The following SLC5A12 variants were observed in gnomAD, a reference collection of about 807,000 sequenced individuals.
SLC5A12 encodes the protein solute carrier family 5 member 12.
Under a neutral mutation model 72.7 loss-of-function variants are expected in SLC5A12, and 46 were observed. That is an observed-to-expected ratio of 0.63 (90% CI 0.50 to 0.81). The LOEUF (loss-of-function observed/expected upper bound fraction) is 0.81, where lower values mean the gene tolerates loss of function less well. SLC5A12 is among the 30% of genes least tolerant of loss of function. SLC5A12 has a pLI of 0.00. For missense variants in SLC5A12, 683 were observed against 740.7 expected (o/e 0.92, Z 0.90); for synonymous variants, 275 against 264.4 (o/e 1.04, Z -0.39).
At chr11:26,699,480 T>A (rs1486139552) in intron 6 of SLC5A12, among the ~76,000 whole-genome samples, 1 of 152,218 alleles carries the variant, frequency 6.6e-6, no homozygotes, top group Non-Finnish European at 1.5e-5. Context: ...CAGATAATTA[T>A]CCCATTTAGA....
intron 7 of SLC5A12, 81 bp from the exon 8 acceptor site, chr11:26,697,333 G>A: frequency 8.1e-7 from 1 of 1,233,968 alleles, no homozygotes; most frequent in Non-Finnish European, 1.1e-6. Context: ...AAAAAAATAG[G>A]ATTAGTGGTC....
chr11:26,706,891 G>A (rs4582927), intron 4 of SLC5A12, among the ~76,000 whole-genome samples: 112,658 of 150,374 alleles, frequency 0.75, 47,705 homozygotes, highest in Non-Finnish European at 0.94. Context: ...TAAAATAATG[G>A]TTATCATTTC....
chr11:26,697,403 T>C (rs1429856957), intron 7 of SLC5A12, 151 bp from the exon 8 acceptor site: 5 of 647,404 alleles, frequency 7.7e-6, no homozygotes, highest in Admixed American at 6.3e-5. Flanking sequence ...GTAGGAAGTT[T>C]ATTTTCCTTG....
chr11:26,696,729 C>G (rs906187724), intron 8 of SLC5A12, among the ~76,000 whole-genome samples: 1 of 152,094 alleles, frequency 6.6e-6, no homozygotes, highest in Non-Finnish European at 1.5e-5. Context: ...TATATGCAGT[C>G]CATCATTGAC....
chr11:26,703,671 G>A lies in SLC5A12; in HGVS notation c.681C>T (p.Asp227=), dbSNP rs1456622802. Residue 227 remains aspartate (D), a splice_region_variant and synonymous_variant, in exon 6 of 15, where the codon GAC becomes GAT. Transcript: ENST00000396005. The stretch of plus-strand genomic sequence containing the variant: ...GTCGCCTGAGAGGATCTACATCAAA[G>A]CTATGAGACAGAGAGAAATGAGTGA... ...STNGSRLHIF[D]FDVDPLRRHT... The A allele has an allele frequency of 1.2e-6, 2 of 1,613,834 alleles. No homozygotes were observed. Among genetic ancestry groups the A allele is most frequent in the Non-Finnish European group, 1.7e-6 (2 of 1,179,848 alleles).
chr11:26,687,433 C>G (rs923454774), intron 9 of SLC5A12, among the ~76,000 whole-genome samples: 5 of 152,108 alleles, frequency 3.3e-5, no homozygotes, highest in Admixed American at 6.5e-5. Context: ...CATATCCAAC[C>G]CAGTTCCCAA....
At chr11:26,690,431 T>G (rs1854640119) in intron 9 of SLC5A12, among the ~76,000 whole-genome samples, 1 of 151,806 alleles carries the variant, frequency 6.6e-6, no homozygotes, top group Admixed American at 6.6e-5. Context: ...GAGAAACCTT[T>G]ATATTATATA....
At chr11:26,682,904 T>C (rs543574628) in intron 11 of SLC5A12, among the ~76,000 whole-genome samples, 2 of 152,040 alleles carry the variant, frequency 1.3e-5, no homozygotes, top group Non-Finnish European at 2.9e-5. Context: ...TACCCATCAA[T>C]CTCCTTTACT....
intron 12 of SLC5A12, among the ~76,000 whole-genome samples, chr11:26,679,251 G>T (rs955776514): frequency 2.0e-5 from 3 of 151,986 alleles, no homozygotes; most frequent in Admixed American, 6.6e-5. Flanking sequence ...AAAATACTAT[G>T]GCAGCCTTCA....
intron 6 of SLC5A12, 106 bp downstream of exon 6, chr11:26,703,425 T>TAC (rs10594778): frequency 0.037 from 30,446 of 825,968 alleles, 4 homozygotes; most frequent in South Asian, 0.047. Context: ...CACACATACA[T>TAC]ACACACACAC....
intron 11 of SLC5A12, among the ~76,000 whole-genome samples, chr11:26,682,948 A>C (rs1454851995): frequency 6.6e-6 from 1 of 152,164 alleles, no homozygotes; most frequent in Non-Finnish European, 1.5e-5. Flanking sequence ...AGAAAGGTCA[A>C]TAAGGGTCAG....
intron 14 of SLC5A12, among the ~76,000 whole-genome samples, chr11:26,672,001 A>G (rs763221020): frequency 5.9e-5 from 9 of 152,152 alleles, no homozygotes; most frequent in Non-Finnish European, 1.0e-4. Flanking sequence ...CCACTGTTCA[A>G]TTATCAAAAC....
rs751731959 is a variant in SLC5A12 at position 26,709,311 on chromosome 11, C to T, written c.525+1G>A. On this transcript the variant is annotated splice_donor_variant, in intron 4 of 14. Coordinates refer to ENST00000396005, the MANE Select transcript of SLC5A12 (RefSeq NM_178498.4). LOFTEE classifies it high-confidence loss of function. The stretch of plus-strand genomic sequence containing the variant: ...ATACTTCTTCACAGCTAGATACATA[C>T]CAGGGTACAGTAGAATGTGCAAACA... The T allele has an allele frequency of 6.2e-7, 1 of 1,608,616 alleles. No homozygotes were observed. The highest frequency in any genetic ancestry group is 8.5e-7 in the Non-Finnish European group (1 of 1,176,526).
At position 26,669,187 on chromosome 11, in the gene SLC5A12, T is replaced by TTTCTTTCTTTTTCTTTCTTTCTTTC; in HGVS notation, c.*1914_*1915insGAAAGAAAGAAAGAAAAAGAAAGAA. ...TGTCTTTTTCTTTCTTTCTTTCTTC[T>TTTCTTTCTTTTTCTTTCTTTCTTTC]TTTCTTTCTTTCTTTCTTTCTTTCT... On this transcript the variant is annotated 3_prime_UTR_variant, in exon 15 of 15. Coordinates refer to ENST00000396005, the MANE Select transcript of SLC5A12 (RefSeq NM_178498.4). The TTTCTTTCTTTTTCTTTCTTTCTTTC allele has an allele frequency of 9.0e-6, 1 of 110,942 alleles. No homozygotes were observed. The highest frequency in any genetic ancestry group is 2.0e-5 in the Non-Finnish European group (1 of 50,896). The allele number at this position is 110,942 out of a possible 1,614,324, so 6.9% of individuals were successfully genotyped here.
At chr11:26,676,668 A>G (rs1854274641) in intron 13 of SLC5A12, among the ~76,000 whole-genome samples, 4 of 152,206 alleles carry the variant, frequency 2.6e-5, no homozygotes, top group Admixed American at 2.0e-4. Context: ...TCTAAAATGG[A>G]AAAATTAAAA....
In SLC5A12 at chr11:26,685,132, TC is replaced by T. The variant is rs771354966; in HGVS notation, c.1222-1290del. On this transcript the variant is annotated intron_variant, in intron 10 of 14. Coordinates refer to ENST00000396005, the MANE Select transcript of SLC5A12 (RefSeq NM_178498.4). The stretch of plus-strand genomic sequence containing the variant: ...CATCACTTAGCTCTCCTAGATTAGT[TC>T]CCTGAATCTTAAAATGGAAGTAATG... Among the ~76,000 whole-genome samples the T allele has an allele frequency of 4.6e-5, 7 of 152,278 alleles. No individual in the cohort carries two copies. The South Asian group carries it at 8.3e-4, about 18-fold the overall frequency.
In SLC5A12 at chr11:26,697,159, C is replaced by A; in HGVS notation, c.1040+5G>T. On this transcript the variant is annotated splice_donor_5th_base_variant and intron_variant, in intron 8 of 14. Transcript: ENST00000396005. ...TCATCATCAGATTGTTGTTGCTATA[C>A]TAACCTCAGAGTTCCACTGAAGGCA... 6.2e-7 allele frequency: 1 copy of A among 1,610,208 alleles called. No individual in the cohort carries two copies.
intron 9 of SLC5A12, 70 bp downstream of exon 9, chr11:26,692,419 T>A (rs747160332): frequency 9.7e-7 from 1 of 1,030,050 alleles, no homozygotes; most frequent in Non-Finnish European, 1.5e-6. Context: ...GAATAGCACA[T>A]GCAGGATTTT....
intron 10 of SLC5A12, among the ~76,000 whole-genome samples, chr11:26,684,400 G>T (rs761423608): frequency 6.6e-6 from 1 of 152,084 alleles, no homozygotes; most frequent in African/African-American, 2.4e-5. Flanking sequence ...TTCTAGGGTT[G>T]CTGAATTTGA....
Sources: gnomAD v4.1 joint callset for allele counts (sites outside exome capture counted in the v4.1 genomes callset) on GRCh38, gnomAD v4.1.1 for gene constraint, MANE v1.5 for transcripts, NCBI Gene and HGNC (gene_info 2026-07-23, HGNC 2026-07-21) for gene names.